BOP1: variants seen among roughly 807,000 people sequenced by gnomAD.
BOP1 encodes the protein BOP1 ribosomal biogenesis factor.
In BOP1, 54 loss-of-function variants were observed where a neutral mutation model predicts 82.9. That is an observed-to-expected ratio of 0.65 (90% CI 0.52 to 0.82). The LOEUF is 0.82. Among genes scored for constraint, BOP1 ranks in the 40% least tolerant of loss-of-function variants. BOP1 has a pLI of 0.00. For missense variants in BOP1, 1,170 were observed against 1,072.0 expected (o/e 1.09, Z -1.28); for synonymous variants, 566 against 451.1 (o/e 1.25, Z -3.23).
chr8:144,275,311 G>A (rs1208628807), intron 3 of BOP1, among the ~76,000 whole-genome samples: 1 of 152,284 alleles, frequency 6.6e-6, no homozygotes, highest in Non-Finnish European at 1.5e-5. Flanking sequence ...ACTGAGGAGG[G>A]TATAGGCAGG....
In BOP1 at chr8:144,262,883, A is replaced by C; in HGVS notation, c.1864T>G (p.Trp622Gly). 5.6e-6 allele frequency: 8 copies of C among 1,439,910 alleles called. No individual in the cohort carries two copies. The highest frequency in any genetic ancestry group is 7.3e-6 in the Non-Finnish European group (8 of 1,092,000). 89.2% of individuals were successfully genotyped at this position (1,439,910 alleles called of 1,614,324 possible). The change falls in exon 13 of 16, where the codon TGG becomes GGG. Residue 622 changes from tryptophan (W) to glycine (G), a missense_variant. Physicochemically the swap from Trp to Gly is radical, Grantham distance 184. Transcript: ENST00000569669. Reference protein sequence around the residue: ...LTKKLMPNCKWVSSLAVHPAG... With the variant: ...LTKKLMPNCKGVSSLAVHPAG... ...GGGTGCACCGCCAGGCTGGACACCC[A>C]CTTGCAGTTGGGCATCAGCTTCTTG...
chr8:144,289,385 C>T lies in BOP1; in HGVS notation c.100-81G>A, dbSNP rs1297442082. On this transcript the variant is annotated intron_variant, in intron 1 of 15. Coordinates refer to ENST00000569669, the MANE Select transcript of BOP1 (RefSeq NM_015201.5). Reference sequence around the variant, plus strand: ...CACTGCAGGGAGAGCTGCCTCTCGCCCCTCCAGCCACCCACCAGCAGCTCC... The same window carrying T: ...CACTGCAGGGAGAGCTGCCTCTCGCTCCTCCAGCCACCCACCAGCAGCTCC... The T allele has an allele frequency of 3.4e-6, 5 of 1,460,398 alleles. No homozygotes were observed. The African/African-American group carries it at 4.2e-5, about 12-fold the overall frequency. The allele number at this position is 1,460,398 out of a possible 1,614,324, so 90.5% of individuals were successfully genotyped here.
Position 144,262,873 on chromosome 8 carries a change from C to A in BOP1, c.1874G>T (p.Ser625Ile), listed in dbSNP as rs1845257059. ...KLMPNCKWVS[S>I]LAVHPAGDNV... ...CTCACCTGCAGGGTGCACCGCCAGG[C>A]TGGACACCCACTTGCAGTTGGGCAT... Residue 625 changes from serine to isoleucine, a missense_variant, in exon 13 of 16, where the codon AGC becomes ATC. Transcript: ENST00000569669. 7.2e-7 allele frequency: 1 copy of A among 1,380,082 alleles called. No homozygotes were observed. Among genetic ancestry groups the A allele is most frequent in the Non-Finnish European group, 9.5e-7 (1 of 1,047,200 alleles). The allele number at this position is 1,380,082 out of a possible 1,614,324, so 85.5% of individuals were successfully genotyped here.
At chr8:144,268,449 T>TCA (rs1845432488) in intron 3 of BOP1, 1 of 544,358 alleles carries the variant, frequency 1.8e-6, no homozygotes, top group African/African-American at 1.9e-5. Context: ...CTGAAAATTT[T>TCA]GTATAATTAA....
rs587663558 is a variant in BOP1, at chr8:144,277,861, G to A, written c.310-1557C>T. 3.3e-5 allele frequency among the ~76,000 whole-genome samples: 5 copies of A among 152,164 alleles called. No homozygotes were observed. In the East Asian group the frequency reaches 5.8e-4, roughly 18 times the overall value. ...TGCTGGGAACTGCCTGACCTAGAAG[G>A]CCCCTTCAGATTTTGGAGGCAGATG... On this transcript the variant is annotated intron_variant, in intron 2 of 15. Coordinates refer to ENST00000569669, the MANE Select transcript of BOP1 (RefSeq NM_015201.5).
chr8:144,263,538 C>G lies in BOP1; in HGVS notation c.1364G>C (p.Gly455Ala). Residue 455 changes from glycine to alanine, a missense_variant, in exon 11 of 16, where the codon GGC becomes GCC. Physicochemically the swap from Gly to Ala is moderately conservative, Grantham distance 60. Transcript: ENST00000569669. ...GTTCCAGGCCACACTCTTCACCACGCCCCCCACGGGAACAGTCCTCACACA... is the reference window on the plus strand; with the variant it reads ...GTTCCAGGCCACACTCTTCACCACGGCCCCCACGGGAACAGTCCTCACACA... ...ARCVRTVPVGGVVKSVAWNPS... is the reference protein window; with the variant it reads ...ARCVRTVPVGAVVKSVAWNPS... 1 of 1,600,294 alleles carries G rather than the reference C, an allele frequency of 6.2e-7. No individual in the cohort carries two copies. Among genetic ancestry groups the G allele is most frequent in the Non-Finnish European group, 8.5e-7 (1 of 1,179,722 alleles).
chr8:144,286,111 G>A (rs1042432667), intron 2 of BOP1, among the ~76,000 whole-genome samples: 3 of 152,238 alleles, frequency 2.0e-5, no homozygotes, highest in South Asian at 2.1e-4. Flanking sequence ...GGGAGTGGCC[G>A]CTCAGCAGGC....
rs1328408675 is a variant in BOP1, at chr8:144,264,723, G to A, written c.654C>T (p.Asn218=). ...AGCCCCTGCCACCTACCTCATAGGG[G>A]TTGAAGCCCACATCCCCAAACTGGC... The part of the protein sequence containing the change: ...QSGQFGDVGF[N]PYEPAVDFFS... Residue 218 remains asparagine, a synonymous_variant, in exon 5 of 16, where the codon AAC becomes AAT. Transcript: ENST00000569669. 5.7e-6 allele frequency: 9 copies of A among 1,576,556 alleles called. No homozygotes were observed. The highest frequency in any genetic ancestry group is 3.4e-5 in the South Asian group (3 of 87,160).
At chr8:144,275,027 G>A (rs928247903) in intron 3 of BOP1, among the ~76,000 whole-genome samples, 16 of 152,138 alleles carry the variant, frequency 1.1e-4, no homozygotes, top group African/African-American at 3.4e-4. Context: ...TTCTCTGAAC[G>A]CGCAGCAGAG....
Position 144,267,327 on chromosome 8 carries a change from G to GACACTCCTCCCTCCCCTCTGCAGAGCAA in BOP1, c.391-2257_391-2256insTTGCTCTGCAGAGGGGAGGGAGGAGTGT. 11 of 1,017,974 alleles carry GACACTCCTCCCTCCCCTCTGCAGAGCAA rather than the reference G, an allele frequency of 1.1e-5. No homozygotes were observed. The Admixed American group carries it at 1.2e-4, about 11-fold the overall frequency. The allele number at this position is 1,017,974 out of a possible 1,614,324, so 63.1% of individuals were successfully genotyped here. ...CTGTAACACAGGCCTGCCGGGGGCT[G>GACACTCCTCCCTCCCCTCTGCAGAGCAA]GGGCCTTCTCCTGGGGCTCCTCTCC... On this transcript the variant is annotated intron_variant, in intron 3 of 15. Coordinates refer to ENST00000569669, the MANE Select transcript of BOP1 (RefSeq NM_015201.5).
At chr8:144,267,290 A>G in intron 3 of BOP1, 1 of 1,280,988 alleles carries the variant, frequency 7.8e-7, no homozygotes, top group Admixed American at 3.2e-5. Context: ...AACAGGGCAC[A>G]GGCAGGCACA....
rs1845545723 is a variant in BOP1 at position 144,274,928 on chromosome 8, G to A, written c.390+1296C>T. On this transcript the variant is annotated intron_variant, in intron 3 of 15. Coordinates refer to ENST00000569669, the MANE Select transcript of BOP1 (RefSeq NM_015201.5). The stretch of plus-strand genomic sequence containing the variant: ...CAGAGCCCCTGGGAGGGGGAGGGGA[G>A]ACAGGCAGGGAGTGCGCGGCGTGGC... Among the ~76,000 whole-genome samples, 4 of 152,366 alleles carry A rather than the reference G, an allele frequency of 2.6e-5. No individual in the cohort carries two copies. The South Asian group carries it at 8.3e-4, about 32-fold the overall frequency.
In BOP1 at chr8:144,263,846, G is replaced by A. The variant is rs1213331725; in HGVS notation, c.1206C>T (p.Pro402=). The A allele has an allele frequency of 3.7e-6, 6 of 1,611,276 alleles. No homozygotes were observed. The Admixed American group carries it at 6.7e-5, about 18-fold the overall frequency. The change falls in exon 9 of 16, where the codon CCC becomes CCT. Residue 402 remains proline, a synonymous_variant. Transcript: ENST00000569669. ...CTCCACTTACCAGGGCCTGGCACGT[G>A]GGGAAGGGCTGCAGGTCCCTCGGCC... is the stretch of plus-strand genomic sequence containing the variant. ...LPRPRDLQPF[P]TCQALVYRGH...
At chr8:144,287,215 A>G (rs782246155) in intron 2 of BOP1, among the ~76,000 whole-genome samples, 7 of 152,160 alleles carry the variant, frequency 4.6e-5, no homozygotes, top group Admixed American at 6.5e-5. Flanking sequence ...TCACCATGTT[A>G]GCCAGGCTGG....
intron 3 of BOP1, among the ~76,000 whole-genome samples, chr8:144,271,335 G>A (rs1845489105): frequency 1.3e-5 from 2 of 151,928 alleles, no homozygotes; most frequent in South Asian, 4.1e-4. Flanking sequence ...GTGTCTGTCT[G>A]CGAGAGAGGA....
At chr8:144,267,061 T>C in intron 3 of BOP1, 3 of 1,465,370 alleles carry the variant, frequency 2.0e-6, no homozygotes, top group Non-Finnish European at 2.7e-6. Flanking sequence ...GCCCGCCTTC[T>C]TCCACGCGGC....
At chr8:144,267,332 C>A (rs889431593) in intron 3 of BOP1, 2 of 968,454 alleles carry the variant, frequency 2.1e-6, no homozygotes, top group South Asian at 3.0e-5. Flanking sequence ...GGGCTGGGGC[C>A]TTCTCCTGGG....
intron 3 of BOP1, among the ~76,000 whole-genome samples, chr8:144,267,335 C>T (rs1290312926): frequency 2.6e-5 from 4 of 151,982 alleles, no homozygotes; most frequent in Non-Finnish European, 4.4e-5. Flanking sequence ...CTGGGGCCTT[C>T]TCCTGGGGCT....
chr8:144,264,307 T>G lies in BOP1; in HGVS notation c.896A>C (p.His299Pro). The G allele has an allele frequency of 6.2e-7, 1 of 1,610,812 alleles. No homozygotes were observed. ...CAGGGCCAGCTTGGGAGCAGGTACGTGCATCTTGTGGCGCCCGAGCACGGC... is the reference window on the plus strand; with the variant it reads ...CAGGGCCAGCTTGGGAGCAGGTACGGGCATCTTGTGGCGCCCGAGCACGGC... ...PNAVLGRHKM[H>P]VPAPKLALPG... The change falls in exon 7 of 16, where the codon CAC (histidine) becomes CCC (proline). Residue 299 changes from histidine (H) to proline (P), a missense_variant. Physicochemically the swap from His to Pro is moderately conservative, Grantham distance 77. Transcript: ENST00000569669.
Sources: allele counts gnomAD v4.1 joint callset (sites outside exome capture counted in the v4.1 genomes callset), GRCh38; gene constraint gnomAD v4.1.1; transcripts MANE v1.5; gene names NCBI Gene and HGNC (gene_info 2026-07-23, HGNC 2026-07-21).